IST1: variants seen among roughly 807,000 people sequenced by gnomAD.
IST1 encodes the protein IST1 homolog.
A neutral mutation model predicts 37.0 loss-of-function variants in IST1; 23 were observed. That is an observed-to-expected ratio of 0.62 (90% CI 0.45 to 0.88). The LOEUF is 0.88. IST1 is among the 40% of genes least tolerant of loss of function. The pLI, the probability that IST1 is intolerant of heterozygous loss-of-function variation, is 0.00. For missense variants in IST1, 488 were observed against 445.4 expected, an observed-to-expected ratio of 1.10 and a Z score of -0.86; for synonymous variants, 180 against 161.7, an observed-to-expected ratio of 1.11 and a Z score of -0.86.
In IST1 at chr16:71,930,248, T is replaced by A. The variant is rs905689683; in HGVS notation, c.*2435T>A. ...TAGTTTATACTTTACAAACATAAGC[T>A]ATATGCTAGTGTTTGGGATCTTATC... On this transcript the variant is annotated 3_prime_UTR_variant, in exon 10 of 10. Coordinates refer to ENST00000378799, the MANE Select transcript of IST1 (RefSeq NM_001270975.2). 1 of 1,426,506 alleles carries A rather than the reference T, an allele frequency of 7.0e-7. No individual in the cohort carries two copies. Among genetic ancestry groups the A allele is most frequent in the South Asian group, 1.5e-5 (1 of 65,148 alleles). 88.4% of individuals were successfully genotyped at this position (1,426,506 alleles called of 1,614,324 possible).
rs569028068 is a variant in IST1, at chr16:71,916,501, A to C, written c.128A>C (p.Tyr43Ser). The change falls in exon 3 of 10, where the codon TAT becomes TCT. Residue 43 changes from tyrosine (Y) to serine (S), a missense_variant. Physicochemically the swap from Tyr to Ser is moderately radical, Grantham distance 144. Transcript: ENST00000378799. ...AAAGCAAGGAAGGAGATTGCTGACT[A>C]TCTGGCTGCTGGGAAAGATGAACGA... ...AQKARKEIAD[Y>S]LAAGKDERAR... 1.9e-6 allele frequency: 3 copies of C among 1,613,256 alleles called. No individual in the cohort carries two copies. Among genetic ancestry groups the C allele is most frequent in the African/African-American group, 1.3e-5 (1 of 75,028 alleles).
At chr16:71,920,474 A>T (rs964059093) in intron 4 of IST1, among the ~76,000 whole-genome samples, 1 of 152,268 alleles carries the variant, frequency 6.6e-6, no homozygotes, top group Admixed American at 6.5e-5. Flanking sequence ...GTAAGACTCT[A>T]TAAGAGTAAG....
chr16:71,916,736 C>G, intron 3 of IST1, 94 bp downstream of exon 3: 1 of 1,048,956 alleles, frequency 9.5e-7, no homozygotes, highest in East Asian at 2.4e-5. Context: ...ATTTCACATG[C>G]CCAAGGATCT....
intron 4 of IST1, among the ~76,000 whole-genome samples, chr16:71,918,664 C>T (rs993089521): frequency 3.9e-5 from 6 of 152,130 alleles, no homozygotes; most frequent in Non-Finnish European, 8.8e-5. Context: ...GATCCGCCTG[C>T]CTCGGCCTCC....
Position 71,922,493 on chromosome 16 carries a change from TAG to T in IST1, c.576_577del (p.Glu192AspfsTer5), listed in dbSNP as rs1321891630. On this transcript the variant is annotated frameshift_variant, in exon 7 of 10. Transcript: ENST00000378799. LOFTEE classifies it high-confidence loss of function. ...TCTCAGGCAGAAGCTCCTCCTGGGGTAGAGACAGATCTTATTGATGTTGGATT... is the reference window on the plus strand; with the variant it reads ...TCTCAGGCAGAAGCTCCTCCTGGGGTAGACAGATCTTATTGATGTTGGATT... The T allele has an allele frequency of 6.2e-7, 1 of 1,613,920 alleles. No individual in the cohort carries two copies. Among genetic ancestry groups the T allele is most frequent in the Non-Finnish European group, 8.5e-7 (1 of 1,179,996 alleles).
intron 4 of IST1, among the ~76,000 whole-genome samples, chr16:71,919,231 C>G (rs1397316565): frequency 6.6e-6 from 1 of 152,182 alleles, no homozygotes; most frequent in Non-Finnish European, 1.5e-5. Flanking sequence ...TTCCCTTTTT[C>G]ATTTCTTACC....
intron 2 of IST1, 99 bp downstream of exon 2, chr16:71,915,827 A>AT (rs973257648): frequency 1.9e-3 from 1,312 of 692,432 alleles, no homozygotes; most frequent in Non-Finnish European, 2.2e-3. Flanking sequence ...TAGGGATCAT[A>AT]TTTTTTTTTG....
intron 1 of IST1, among the ~76,000 whole-genome samples, chr16:71,911,043 C>T (rs1477175102): frequency 6.6e-6 from 1 of 151,706 alleles, no homozygotes; most frequent in African/African-American, 2.4e-5. Context: ...AGTTCAAGAC[C>T]AGCGTGTCCA....
At chr16:71,895,982 C>T (rs904398599) in intron 1 of IST1, among the ~76,000 whole-genome samples, 1 of 152,244 alleles carries the variant, frequency 6.6e-6, no homozygotes, top group African/African-American at 2.4e-5. Flanking sequence ...GGAGAGACTT[C>T]GGGAAGGTCA....
chr16:71,922,364 G>C, intron 6 of IST1, 110 bp from the exon 7 acceptor site: 1 of 874,522 alleles, frequency 1.1e-6, no homozygotes, highest in Non-Finnish European at 1.9e-6. Flanking sequence ...GTTGATCCCA[G>C]AAGCACTCCA....
At chr16:71,921,183 T>G (rs144361969) in intron 5 of IST1, 160 bp from the exon 6 acceptor site, 182 of 613,206 alleles carry the variant, frequency 3.0e-4, no homozygotes, top group African/African-American at 2.8e-3. Context: ...TTGGGTCCTC[T>G]GATGTGTCTT....
chr16:71,924,233 C>G (rs765046554), intron 8 of IST1: 2 of 451,854 alleles, frequency 4.4e-6, no homozygotes, highest in South Asian at 3.1e-5. Context: ...TTCAAGAATG[C>G]TTTCCCTTTG....
upstream of IST1, chr16:71,894,901 G>C (rs748408385): frequency 8.2e-6 from 11 of 1,340,812 alleles, no homozygotes; most frequent in Non-Finnish European, 1.0e-5. Flanking sequence ...AGATAAATTA[G>C]GGAAATCGCC....
At chr16:71,895,240 A>T (rs2142508056), upstream of IST1, 1 of 165,044 alleles carries the variant, frequency 6.1e-6, no homozygotes, top group Admixed American at 6.4e-5. Context: ...AGAGTCCGAG[A>T]ATCAACAGCT....
intron 1 of IST1, among the ~76,000 whole-genome samples, chr16:71,899,560 T>A (rs1270680167): frequency 6.6e-6 from 1 of 152,060 alleles, no homozygotes; most frequent in Non-Finnish European, 1.5e-5. Context: ...TTCAAATTAC[T>A]TCTTTTATAA....
intron 1 of IST1, among the ~76,000 whole-genome samples, chr16:71,898,369 A>G (rs1597228529): frequency 1.1e-5 from 1 of 88,484 alleles, no homozygotes; most frequent in African/African-American, 3.7e-5. Context: ...TCTCTCTCTC[A>G]GAAAAAAAAA....
chr16:71,920,419 G>C (rs1233991994), intron 4 of IST1, among the ~76,000 whole-genome samples: 1 of 141,578 alleles, frequency 7.1e-6, no homozygotes, highest in Non-Finnish European at 1.5e-5. Context: ...TCTTTAACAA[G>C]GGAAATTTTG....
chr16:71,894,732 C>T (rs1373809124), upstream of IST1: 19 of 509,512 alleles, frequency 3.7e-5, 1 homozygote, highest in Middle Eastern at 4.0e-4. Context: ...GATGCGGTTT[C>T]ACTATGGTGT....
Position 71,929,756 on chromosome 16 carries a change from AT to A in IST1, c.*1948del. On this transcript the variant is annotated 3_prime_UTR_variant, in exon 10 of 10. Transcript: ENST00000378799. ...TAGTGGAGTAAAAAAAGTACCAAAG[AT>A]TTTTAAAAAATTAGTAAATGTAAAG... is the stretch of plus-strand genomic sequence containing the variant. The A allele has an allele frequency of 7.6e-7, 1 of 1,322,270 alleles. No homozygotes were observed. Among genetic ancestry groups the A allele is most frequent in the Non-Finnish European group, 1.0e-6 (1 of 977,150 alleles). The allele number at this position is 1,322,270 out of a possible 1,614,324, so 81.9% of individuals were successfully genotyped here. A position where few individuals can be genotyped will look rare whatever the true frequency, so the allele number is the denominator to read the frequency against.
Sources: allele counts gnomAD v4.1 joint callset (sites outside exome capture counted in the v4.1 genomes callset), GRCh38; gene constraint gnomAD v4.1.1; transcripts MANE v1.5; gene names NCBI Gene and HGNC (gene_info 2026-07-23, HGNC 2026-07-21).